EHBP1: variants seen among roughly 807,000 people sequenced by gnomAD.
EHBP1 encodes EH domain binding protein 1, also known as EH domain-binding protein 1.
EHBP1 carries 55 observed loss-of-function variants against 144.0 expected under a neutral mutation model. The ratio of observed to expected loss-of-function variants is 0.38; its 90% CI spans 0.31 to 0.48. The LOEUF is 0.48. EHBP1 is among the 20% of genes least tolerant of loss of function. The pLI is 0.98. For missense variants in EHBP1, 1,200 were observed against 1,364.2 expected (o/e 0.88, Z 1.90); for synonymous variants, 469 against 472.7 (o/e 0.99, Z 0.10).
At chr2:62,891,113 G>GT (rs1488254507) in intron 10 of EHBP1, among the ~76,000 whole-genome samples, 2 of 150,652 alleles carry the variant, frequency 1.3e-5, no homozygotes, top group African/African-American at 2.4e-5. Flanking sequence ...GGAGGCGGAG[G>GT]TTGCAGTGAG....
At chr2:62,831,179 A>T in intron 7 of EHBP1, 21 bp downstream of exon 7, 1 of 1,571,586 alleles carries the variant, frequency 6.4e-7, no homozygotes, top group South Asian at 1.2e-5. Flanking sequence ...TTAGCATTAA[A>T]CTAAAAGTTT....
chr2:62,935,399 A>G (rs1234542882), intron 10 of EHBP1, among the ~76,000 whole-genome samples: 1 of 149,762 alleles, frequency 6.7e-6, no homozygotes, highest in Non-Finnish European at 1.5e-5. Context: ...CTTTTTCGCA[A>G]TAAAGCTTGA....
chr2:62,909,349 A>G (rs1421864989), intron 10 of EHBP1, among the ~76,000 whole-genome samples: 1 of 152,084 alleles, frequency 6.6e-6, no homozygotes, highest in Non-Finnish European at 1.5e-5. Context: ...CGCCTGGTTA[A>G]TTTTTGTATT....
intron 5 of EHBP1, among the ~76,000 whole-genome samples, chr2:62,820,720 TGTGTGTGTGTGTG>T (rs2045887781): frequency 7.7e-6 from 1 of 130,650 alleles, no homozygotes; most frequent in Non-Finnish European, 1.6e-5. Flanking sequence ...GGTGTGTGTG[TGTGTGTGTGTGTG>T]TATAATATAT....
intron 5 of EHBP1, among the ~76,000 whole-genome samples, chr2:62,778,636 C>G (rs2042208422): frequency 1.3e-5 from 2 of 151,766 alleles, no homozygotes; most frequent in Non-Finnish European, 2.9e-5. Flanking sequence ...ACTTGCCCAA[C>G]CAAACTCACC....
At chr2:62,959,340 A>C (rs1194570199) in intron 14 of EHBP1, among the ~76,000 whole-genome samples, 5 of 152,200 alleles carry the variant, frequency 3.3e-5, no homozygotes. Flanking sequence ...TGAACATAGG[A>C]GTGCTAAAAT....
chr2:63,016,137 A>G (rs1220586404), intron 19 of EHBP1, among the ~76,000 whole-genome samples: 1 of 152,228 alleles, frequency 6.6e-6, no homozygotes, highest in East Asian at 1.9e-4. Context: ...AAAATTTTCT[A>G]CAAAGTGAAT....
chr2:62,680,965 C>T (rs2033491950), intron 1 of EHBP1, among the ~76,000 whole-genome samples: 1 of 152,022 alleles, frequency 6.6e-6, no homozygotes. Flanking sequence ...AGTAATCTTA[C>T]ATGTATTCAT....
At chr2:62,918,228 A>G (rs1263456884) in intron 10 of EHBP1, among the ~76,000 whole-genome samples, 3 of 152,026 alleles carry the variant, frequency 2.0e-5, no homozygotes, top group African/African-American at 7.2e-5. Flanking sequence ...CTATATCATA[A>G]TCATTAAACC....
At chr2:62,836,187 G>T (rs1425353552) in intron 7 of EHBP1, among the ~76,000 whole-genome samples, 2 of 152,160 alleles carry the variant, frequency 1.3e-5, no homozygotes, top group African/African-American at 4.8e-5. Context: ...CCTGACCCCT[G>T]ACCCCCGAGC....
At chr2:62,936,336 C>A (rs1440157121) in intron 10 of EHBP1, among the ~76,000 whole-genome samples, 1 of 152,096 alleles carries the variant, frequency 6.6e-6, no homozygotes, top group Non-Finnish European at 1.5e-5. Context: ...GTAAGCTATA[C>A]TTTTCTAGGA....
At chr2:62,907,261 A>G (rs956685492) in intron 10 of EHBP1, among the ~76,000 whole-genome samples, 1 of 152,204 alleles carries the variant, frequency 6.6e-6, no homozygotes, top group African/African-American at 2.4e-5. Context: ...CCAGCAATTT[A>G]TGATTGATCC....
intron 1 of EHBP1, among the ~76,000 whole-genome samples, chr2:62,689,853 G>T (rs1197329129): frequency 6.6e-6 from 1 of 152,186 alleles, no homozygotes; most frequent in Non-Finnish European, 1.5e-5. Flanking sequence ...GAATGATAAA[G>T]TATACACAGA....
intron 7 of EHBP1, among the ~76,000 whole-genome samples, chr2:62,838,729 T>C (rs1016238972): frequency 1.3e-5 from 2 of 151,502 alleles, no homozygotes; most frequent in African/African-American, 4.9e-5. Context: ...GCAAATAAAC[T>C]AGAAAATCTA....
intron 10 of EHBP1, among the ~76,000 whole-genome samples, chr2:62,915,783 G>A (rs1214617933): frequency 6.6e-6 from 1 of 152,018 alleles, no homozygotes; most frequent in African/African-American, 2.4e-5. Context: ...CAGTATATAC[G>A]ATAACAACGT....
At position 62,787,774 on chromosome 2, in the gene EHBP1, G is replaced by A. The variant is rs10496100; in HGVS notation, c.312+16382G>A. On this transcript the variant is annotated intron_variant, in intron 5 of 22. Transcript: ENST00000431489. ...ATCCACACACATAATCTCTGGCTCA[G>A]CCTCTGAAATGTTAATCCCTGGGTA... 8.0e-3 allele frequency among the ~76,000 whole-genome samples: 1,211 copies of A among 152,324 alleles called. 52 individuals carry two copies. Among genetic ancestry groups the A allele is most frequent in the Admixed American group, 0.067 (1,030 of 15,306 alleles).
chr2:62,932,302 C>T (rs976757652), intron 10 of EHBP1, among the ~76,000 whole-genome samples: 1 of 151,794 alleles, frequency 6.6e-6, no homozygotes, highest in Non-Finnish European at 1.5e-5. Context: ...TACACAAAAT[C>T]CAAGAGGTGG....
At chr2:62,742,860 CA>C (rs960160114) in intron 2 of EHBP1, among the ~76,000 whole-genome samples, 3 of 151,932 alleles carry the variant, frequency 2.0e-5, no homozygotes, top group African/African-American at 7.3e-5. Flanking sequence ...TAATTAATTC[CA>C]AACTTAAAAG....
At chr2:62,813,216 A>G (rs932609321) in intron 5 of EHBP1, among the ~76,000 whole-genome samples, 10 of 152,226 alleles carry the variant, frequency 6.6e-5, no homozygotes, top group African/African-American at 2.4e-4. Context: ...CTGTGGTTCA[A>G]GCAGGCCAAG....
Sources: allele counts gnomAD v4.1 joint callset (sites outside exome capture counted in the v4.1 genomes callset), GRCh38; gene constraint gnomAD v4.1.1; transcripts MANE v1.5; gene names NCBI Gene and HGNC (gene_info 2026-07-23, HGNC 2026-07-21).